The following CPXM2 variants were observed in gnomAD, a reference collection of about 807,000 sequenced individuals.
The protein encoded by CPXM2 is inactive carboxypeptidase-like protein X2.
CPXM2 carries 66 observed loss-of-function variants against 86.1 expected under a neutral mutation model. That is an observed-to-expected ratio of 0.77 (90% confidence interval 0.63 to 0.94). The LOEUF (loss-of-function observed/expected upper bound fraction) is 0.94, where lower values mean the gene tolerates loss of function less well. CPXM2 is among the 40% of genes least tolerant of loss of function. CPXM2 has a pLI of 0.00. For missense variants in CPXM2, 948 were observed against 1,026.3 expected (o/e 0.92, Z 1.04); for synonymous variants, 388 against 400.2 (o/e 0.97, Z 0.36).
At chr10:123,879,394 T>G (rs1208667929) in intron 2 of CPXM2, among the ~76,000 whole-genome samples, 1 of 152,178 alleles carries the variant, frequency 6.6e-6, no homozygotes, top group Non-Finnish European at 1.5e-5. Flanking sequence ...AATCCCTGTT[T>G]TACCACGTAG....
intron 3 of CPXM2, among the ~76,000 whole-genome samples, chr10:123,846,143 T>C (rs192798759): frequency 6.6e-6 from 1 of 152,156 alleles, no homozygotes; most frequent in Non-Finnish European, 1.5e-5. Context: ...GGGATGGTTT[T>C]GGGATAATTT....
At chr10:123,918,099 C>A (rs1382244348) in intron 2 of CPXM2, among the ~76,000 whole-genome samples, 2 of 151,984 alleles carry the variant, frequency 1.3e-5, no homozygotes, top group African/African-American at 2.4e-5. Context: ...AGAAGGAAGC[C>A]CAGGGATCTA....
In CPXM2 at chr10:123,768,730, CAA is replaced by C; in HGVS notation, c.1103-10_1103-9del. 2 of 1,605,788 alleles carry C rather than the reference CAA, an allele frequency of 1.2e-6. No homozygotes were observed. Among genetic ancestry groups the C allele is most frequent in the Non-Finnish European group, 1.7e-6 (2 of 1,179,432 alleles). On this transcript the variant is annotated splice_polypyrimidine_tract_variant and intron_variant, in intron 8 of 13. Coordinates refer to ENST00000241305, the MANE Select transcript of CPXM2 (RefSeq NM_198148.3). The stretch of plus-strand genomic sequence containing the variant: ...AGTGGAACTCGGGCTCACCTTTACT[CAA>C]AGACAGAGAGAAGCACAGGTTCACG...
intron 4 of CPXM2, among the ~76,000 whole-genome samples, chr10:123,822,756 T>C (rs943072378): frequency 6.7e-6 from 1 of 148,634 alleles, no homozygotes; most frequent in African/African-American, 2.5e-5. Context: ...AATAATAGAA[T>C]TTTCCAGAAT....
intron 7 of CPXM2, among the ~76,000 whole-genome samples, chr10:123,774,288 C>T (rs1038242216): frequency 6.6e-6 from 1 of 152,286 alleles, no homozygotes; most frequent in South Asian, 2.1e-4. Context: ...AAGGGCATGG[C>T]CCACAGCGGG....
chr10:123,860,927 C>T (rs1848836624), intron 3 of CPXM2, among the ~76,000 whole-genome samples: 1 of 152,172 alleles, frequency 6.6e-6, no homozygotes, highest in Non-Finnish European at 1.5e-5. Flanking sequence ...AAATGTTCTA[C>T]CTGAATTCGT....
At chr10:123,884,914 C>T (rs1945157637) in intron 1 of CPXM2, among the ~76,000 whole-genome samples, 3 of 152,224 alleles carry the variant, frequency 2.0e-5, no homozygotes, top group South Asian at 4.1e-4. Context: ...GCCCTCTGTG[C>T]AGCCAGCAGC....
At chr10:123,752,001 C>A in intron 13 of CPXM2, 1 of 985,408 alleles carries the variant, frequency 1.0e-6, no homozygotes, top group Non-Finnish European at 1.2e-6. Flanking sequence ...CTTTTTATCT[C>A]CCACTCAGTT....
At chr10:123,880,076 AAT>A in intron 2 of CPXM2, 133 bp downstream of exon 2, 1 of 615,330 alleles carries the variant, frequency 1.6e-6, no homozygotes, top group East Asian at 2.7e-5. Context: ...CATGGATCGG[AAT>A]AGACAGCAGG....
At chr10:123,934,210 T>C (rs1945693902) in intron 2 of CPXM2, among the ~76,000 whole-genome samples, 1 of 152,142 alleles carries the variant, frequency 6.6e-6, no homozygotes, top group Non-Finnish European at 1.5e-5. Flanking sequence ...TTCACGGGGC[T>C]GCCATAGCCC....
chr10:123,864,996 G>C (rs938749983), intron 2 of CPXM2, among the ~76,000 whole-genome samples: 1 of 152,154 alleles, frequency 6.6e-6, no homozygotes, highest in African/African-American at 2.4e-5. Context: ...GCCCTCTCAC[G>C]GGCTGAGTTT....
chr10:123,756,759 C>T (rs1253787772), intron 12 of CPXM2, among the ~76,000 whole-genome samples: 2 of 152,176 alleles, frequency 1.3e-5, no homozygotes, highest in South Asian at 2.1e-4. Context: ...GGATAACCAC[C>T]ACATGAAGAG....
At chr10:123,919,689 G>T (rs1438451053) in intron 2 of CPXM2, among the ~76,000 whole-genome samples, 3 of 152,222 alleles carry the variant, frequency 2.0e-5, no homozygotes, top group Non-Finnish European at 2.9e-5. Context: ...TTGAAGACAA[G>T]TTGCTTTGTC....
At chr10:123,772,185 C>T (rs72843004) in intron 7 of CPXM2, among the ~76,000 whole-genome samples, 4,202 of 151,080 alleles carry the variant, frequency 0.028, 69 homozygotes, top group South Asian at 0.065. Flanking sequence ...GTGGTTACCA[C>T]CTCCCTGGTT....
chr10:123,891,497 C>G lies in CPXM2; in HGVS notation c.163G>C (p.Glu55Gln). 1 of 1,547,842 alleles carries G rather than the reference C, an allele frequency of 6.5e-7. No homozygotes were observed. The highest frequency in any genetic ancestry group is 8.7e-7 in the Non-Finnish European group (1 of 1,145,334). The stretch of plus-strand genomic sequence containing the variant: ...GCAGGCAGCGGCGGAGAGAAGGTCT[C>G]GAGCTCGGGCTCCGGGCGCGCGTAG... ...PYYARPEPEL[E>Q]TFSPPLPAGP... is the part of the protein sequence containing the mutation. The change falls in exon 1 of 14, where the codon GAG becomes CAG. Residue 55 changes from glutamate to glutamine, a missense_variant. By Grantham distance (29) the Glu-to-Gln change is conservative. Transcript: ENST00000241305. The surrounding 1 kb of genome is among the most constrained non-coding windows in gnomAD (Gnocchi z 5.6).
intron 4 of CPXM2, among the ~76,000 whole-genome samples, chr10:123,806,866 C>T (rs1424170952): frequency 1.3e-5 from 2 of 152,112 alleles, no homozygotes; most frequent in African/African-American, 4.8e-5. Context: ...CCACCACGTC[C>T]CTCCCCTACA....
At chr10:123,878,517 G>C (rs899743354) in intron 2 of CPXM2, among the ~76,000 whole-genome samples, 4 of 144,782 alleles carry the variant, frequency 2.8e-5, no homozygotes, top group African/African-American at 1.1e-4. Context: ...GTGTGTGTGT[G>C]TGTGTGTGTG....
intron 3 of CPXM2, among the ~76,000 whole-genome samples, chr10:123,846,410 A>G (rs1848496118): frequency 6.6e-6 from 1 of 152,182 alleles, no homozygotes; most frequent in Non-Finnish European, 1.5e-5. Flanking sequence ...TGAGCATCTA[A>G]TACCACTGCT....
At chr10:123,801,924 AATTT>A (rs770025351) in intron 4 of CPXM2, among the ~76,000 whole-genome samples, 4 of 152,176 alleles carry the variant, frequency 2.6e-5, no homozygotes, top group Non-Finnish European at 4.4e-5. Context: ...CAATCTAGCC[AATTT>A]CTTTCTTATA....
Sources: allele counts gnomAD v4.1 joint callset (sites outside exome capture counted in the v4.1 genomes callset), GRCh38; gene constraint gnomAD v4.1.1; non-coding constraint Gnocchi (gnomAD v3.1); transcripts MANE v1.5; gene names NCBI Gene and HGNC (gene_info 2026-07-23, HGNC 2026-07-21).